TTC34: variants seen among roughly 807,000 people sequenced by gnomAD.
The protein encoded by TTC34 is tetratricopeptide repeat domain 34, also known as tetratricopeptide repeat protein 34.
Under a neutral mutation model 40.7 loss-of-function variants are expected in TTC34, and 44 were observed. The ratio of observed to expected loss-of-function variants is 1.08; its 90% confidence interval spans 0.85 to 1.39. TTC34 has a LOEUF of 1.39. TTC34 is among the 40% of genes most tolerant of loss of function. The pLI, the probability that TTC34 is intolerant of heterozygous loss-of-function variation, is 0.00. For synonymous variants in TTC34, 422 were observed against 398.6 expected (o/e 1.06, Z -0.70); for missense variants, 884 against 838.0 (o/e 1.05, Z -0.68).
intron 6 of TTC34, among the ~76,000 whole-genome samples, chr1:2,701,523 C>T (rs1641131307): frequency 2.0e-5 from 1 of 50,092 alleles, no homozygotes; most frequent in South Asian, 5.8e-4. Context: ...AGCTGACATC[C>T]TGGAGCTGCA....
intron 6 of TTC34, among the ~76,000 whole-genome samples, chr1:2,772,888 A>C (rs74898313): frequency 6.5e-4 from 39 of 59,952 alleles, no homozygotes; most frequent in South Asian, 1.5e-3. Context: ...CCTGGAGCAG[A>C]ACCCCACACC....
chr1:2,751,312 G>A lies in TTC34; in HGVS notation c.2226+32297C>T, dbSNP rs1469005638. Among the ~76,000 whole-genome samples, 2 of 129,234 alleles carry A rather than the reference G, an allele frequency of 1.5e-5. 1 individual carries two copies. The highest frequency in any genetic ancestry group is 3.2e-5 in the Non-Finnish European group (2 of 62,494). 84.8% of individuals were successfully genotyped at this position (129,234 alleles called of 152,430 possible). ...ACCCAGGTGAGCATCCGACACCGTG[G>A]AGCAGAACAAACACCCCCAGGCGAG... On this transcript the variant is annotated intron_variant, in intron 6 of 8. Transcript: ENST00000401095.
chr1:2,644,119 G>A, intron 8 of TTC34, 145 bp downstream of exon 8: 1 of 819,554 alleles, frequency 1.2e-6, no homozygotes, highest in Non-Finnish European at 1.9e-6. Context: ...CCAGAAGTGG[G>A]TGCCTCCCAC....
At chr1:2,698,971 C>A (rs1472219415) in intron 6 of TTC34, among the ~76,000 whole-genome samples, 1 of 141,368 alleles carries the variant, frequency 7.1e-6, no homozygotes, top group Non-Finnish European at 1.6e-5. Flanking sequence ...CACCCTGCCC[C>A]CCCAGGTGAG....
chr1:2,779,373 G>C (rs1643440632), intron 6 of TTC34, among the ~76,000 whole-genome samples: 2 of 151,974 alleles, frequency 1.3e-5, no homozygotes, highest in African/African-American at 4.8e-5. Context: ...GCCCAGGCTG[G>C]AGTGCAGTGG....
At chr1:2,692,564 G>C (rs554909191) in intron 6 of TTC34, among the ~76,000 whole-genome samples, 2 of 69,624 alleles carry the variant, frequency 2.9e-5, no homozygotes, top group Admixed American at 1.6e-4. Flanking sequence ...AGCATCGGAC[G>C]GCCTGGAACA....
exon 9 of TTC34, chr1:2,641,192 G>A: frequency 1.8e-6 from 1 of 568,688 alleles, no homozygotes; most frequent in South Asian, 3.0e-5. Context: ...GGGTTGGGAA[G>A]GGGGGTTGTG....
intron 8 of TTC34, among the ~76,000 whole-genome samples, chr1:2,643,655 G>A (rs921732708): frequency 6.6e-6 from 1 of 152,188 alleles, no homozygotes; most frequent in Non-Finnish European, 1.5e-5. Context: ...TTCAGCTCGG[G>A]GGGGGCAGCG....
At position 2,755,614 on chromosome 1, in the gene TTC34, C is replaced by T. The variant is rs1394281703; in HGVS notation, c.2226+27995G>A. The stretch of plus-strand genomic sequence containing the variant: ...GCGAGCATCCGACAGCCTGGAGCAG[C>T]ACCCACACACCCAGGTGCGCATCTG... On this transcript the variant is annotated intron_variant, in intron 6 of 8. Coordinates refer to ENST00000401095, the Ensembl canonical transcript of TTC34. Among the ~76,000 whole-genome samples the T allele has an allele frequency of 6.6e-4, 82 of 125,010 alleles. 7 individuals carry two copies. The highest frequency in any genetic ancestry group is 1.2e-3 in the Non-Finnish European group (71 of 61,574). The allele number at this position is 125,010 out of a possible 152,430, so 82.0% of individuals were successfully genotyped here.
chr1:2,691,977 T>A (rs766590177), intron 6 of TTC34, among the ~76,000 whole-genome samples: 320 of 23,248 alleles, frequency 0.014, no homozygotes, highest in Middle Eastern at 0.038. Context: ...CTGGAACAGC[T>A]CCCACACCCC....
chr1:2,687,747 G>A (rs1186152309), intron 6 of TTC34, among the ~76,000 whole-genome samples: 1 of 146,534 alleles, frequency 6.8e-6, no homozygotes, highest in South Asian at 2.1e-4. Context: ...ACATCCGACA[G>A]CCTGGAGCAG....
chr1:2,653,591 G>GTC (rs1639228220), intron 6 of TTC34, among the ~76,000 whole-genome samples: 6 of 4,192 alleles, frequency 1.4e-3, no homozygotes, highest in South Asian at 8.0e-3. Flanking sequence ...ATCTGACATC[G>GTC]TGGAGCAGCA....
chr1:2,690,253 C>G (rs1640556313), intron 6 of TTC34, among the ~76,000 whole-genome samples: 1 of 143,562 alleles, frequency 7.0e-6, no homozygotes, highest in African/African-American at 2.6e-5. Context: ...GGAACAGCAC[C>G]CTGCACACCC....
At chr1:2,779,201 G>A (rs960036176) in intron 6 of TTC34, among the ~76,000 whole-genome samples, 7 of 152,110 alleles carry the variant, frequency 4.6e-5, no homozygotes, top group Admixed American at 1.3e-4. Context: ...CCACCTCCAA[G>A]CTCTTGTGAA....
intron 6 of TTC34, among the ~76,000 whole-genome samples, chr1:2,749,315 A>ACG: frequency 1.7e-5 from 1 of 59,144 alleles, no homozygotes; most frequent in African/African-American, 1.5e-4. Context: ...CTGGAACAGA[A>ACG]CCCACACCCA....
exon 8 of TTC34, chr1:2,644,387 C>T: frequency 6.5e-7 from 1 of 1,536,028 alleles, no homozygotes; most frequent in Non-Finnish European, 8.7e-7. Context: ...CCTTCTTGAG[C>T]TGGAGCAGGC....
intron 6 of TTC34, among the ~76,000 whole-genome samples, chr1:2,777,546 C>A (rs918858365): frequency 6.6e-6 from 1 of 152,192 alleles, no homozygotes. Flanking sequence ...CTGCATGTTA[C>A]CTGTGGTGAA....
At chr1:2,768,037 C>G (rs1641837823) in intron 6 of TTC34, among the ~76,000 whole-genome samples, 1 of 151,352 alleles carries the variant, frequency 6.6e-6, no homozygotes, top group African/African-American at 2.4e-5. Context: ...TAAAACAGCA[C>G]CCCACAACCC....
intron 6 of TTC34, among the ~76,000 whole-genome samples, chr1:2,646,837 T>G (rs1639029136): frequency 6.6e-6 from 1 of 152,264 alleles, no homozygotes; most frequent in Admixed American, 6.5e-5. Context: ...CAGGATCTGC[T>G]GTGGTGTCAT....
Sources: allele counts gnomAD v4.1 joint callset (sites outside exome capture counted in the v4.1 genomes callset), GRCh38; gene constraint gnomAD v4.1.1; transcripts MANE v1.5; gene names NCBI Gene and HGNC (gene_info 2026-07-23, HGNC 2026-07-21).